Variants in CEP85L observed in about 807,000 individuals in gnomAD.
CEP85L encodes centrosomal protein of 85 kDa-like.
A neutral mutation model predicts 100.3 loss-of-function variants in CEP85L; 60 were observed. That is an observed-to-expected ratio of 0.60 (90% confidence interval 0.49 to 0.74). The LOEUF (loss-of-function observed/expected upper bound fraction) is 0.74. CEP85L is among the 30% of genes least tolerant of loss of function. The probability of loss-of-function intolerance (pLI) is 0.00; values close to 1 mark genes in which losing one functional copy is unlikely to be tolerated. For synonymous variants in CEP85L, 319 were observed against 322.7 expected (o/e 0.99, Z 0.12); for missense variants, 973 against 936.2 (o/e 1.04, Z -0.51).
intron 4 of CEP85L, among the ~76,000 whole-genome samples, chr6:118,515,583 C>T (rs1367301518): frequency 6.6e-6 from 1 of 152,032 alleles, no homozygotes; most frequent in Non-Finnish European, 1.5e-5. Context: ...AAAACAATTA[C>T]AGACAGAATT....
rs760266002 is a variant in CEP85L, at chr6:118,491,874, A to G, written c.1258-9T>C. The G allele has an allele frequency of 1.9e-6, 3 of 1,573,022 alleles. No homozygotes were observed. Among genetic ancestry groups the G allele is most frequent in the Middle Eastern group, 3.4e-4 (2 of 5,828 alleles). ...GTGTTCTCATATTGTGGCTGTTAGG[A>G]AAGAAAAAAAGGAGGTAAGACTTTA... On this transcript the variant is annotated splice_polypyrimidine_tract_variant and intron_variant, in intron 5 of 12. Transcript: ENST00000368491.
At chr6:118,544,141 A>G (rs1374705666) in intron 3 of CEP85L, among the ~76,000 whole-genome samples, 1 of 152,214 alleles carries the variant, frequency 6.6e-6, no homozygotes, top group Non-Finnish European at 1.5e-5. Flanking sequence ...GAAATTTAAT[A>G]TGTCTGGAGA....
At chr6:118,472,064 C>T (rs182793568) in intron 10 of CEP85L, among the ~76,000 whole-genome samples, 54 of 151,380 alleles carry the variant, frequency 3.6e-4, no homozygotes, top group Admixed American at 3.4e-3. Flanking sequence ...AAACTAAACT[C>T]GAGGGGTGTT....
At chr6:118,544,158 A>G (rs1351269046) in intron 3 of CEP85L, among the ~76,000 whole-genome samples, 1 of 152,216 alleles carries the variant, frequency 6.6e-6, no homozygotes, top group Non-Finnish European at 1.5e-5. Context: ...GAGAAATACT[A>G]CAATCATTAA....
chr6:118,598,908 G>C (rs1340514688), intron 2 of CEP85L, among the ~76,000 whole-genome samples: 1 of 152,134 alleles, frequency 6.6e-6, no homozygotes, highest in African/African-American at 2.4e-5. Flanking sequence ...CTGTTGGAGA[G>C]GGAAGTTATA....
chr6:118,483,843 G>C lies in CEP85L; in HGVS notation c.1453C>G (p.Arg485Gly), dbSNP rs752640404. The C allele has an allele frequency of 1.2e-6, 2 of 1,612,346 alleles. No individual in the cohort carries two copies. The highest frequency in any genetic ancestry group is 1.7e-6 in the Non-Finnish European group (2 of 1,179,498). ...KLEEKLKTRD[R>G]YISSLKKKCQ... ...TTCTTTTTCAGACTACTGATGTATC[G>C]ATCTCTAGTTTTAAGCTAAAAGCAA... is the stretch of plus-strand genomic sequence containing the variant. Residue 485 changes from arginine to glycine, a missense_variant, in exon 7 of 13, where the codon CGA becomes GGA. This residue lies in a region of CEP85L where 890 missense variants were observed against 844.5 expected (regional missense o/e 1.05). Transcript: ENST00000368491.
chr6:118,489,046 T>A (rs1774376396), intron 6 of CEP85L, among the ~76,000 whole-genome samples: 2 of 152,090 alleles, frequency 1.3e-5, no homozygotes, highest in African/African-American at 2.4e-5. Context: ...GGTGGGTGGA[T>A]CACCTCAGGT....
chr6:118,511,485 TTATTCCTCTTAGATTCCTTTAA>T (rs1368891076), intron 4 of CEP85L, 70 bp from the exon 5 acceptor site: 4 of 921,560 alleles, frequency 4.3e-6, no homozygotes, highest in African/African-American at 1.7e-5. Context: ...CTTAAGGAGC[TTATTCCTCTTAGATTCCTTTAA>T]TATTCCTCTT....
At chr6:118,479,796 T>G in intron 10 of CEP85L, 75 bp downstream of exon 10, 2 of 713,342 alleles carry the variant, frequency 2.8e-6, no homozygotes, top group Non-Finnish European at 4.5e-6. Context: ...CATGCTTTAA[T>G]ATTTTCAGAT....
intron 2 of CEP85L, among the ~76,000 whole-genome samples, chr6:118,632,152 G>C (rs1156237284): frequency 2.0e-5 from 3 of 152,124 alleles, no homozygotes; most frequent in Non-Finnish European, 2.9e-5. Context: ...ACCACGTCCA[G>C]CTAATTTTTT....
chr6:118,509,245 T>A (rs1775831412), intron 5 of CEP85L, among the ~76,000 whole-genome samples: 1 of 152,152 alleles, frequency 6.6e-6, no homozygotes, highest in African/African-American at 2.4e-5. Context: ...TTCAGATACC[T>A]ATTTTTTACA....
At chr6:118,708,075 T>C (rs896220365) in intron 1 of CEP85L, among the ~76,000 whole-genome samples, 7 of 152,140 alleles carry the variant, frequency 4.6e-5, no homozygotes, top group African/African-American at 1.7e-4. Context: ...TTCAATCCTA[T>C]AAAATAGAAG....
At chr6:118,690,244 C>T (rs1776991265) in intron 1 of CEP85L, among the ~76,000 whole-genome samples, 1 of 152,196 alleles carries the variant, frequency 6.6e-6, no homozygotes, top group South Asian at 2.1e-4. Flanking sequence ...TATGATTCCT[C>T]ATTCTTCTGT....
chr6:118,642,997 T>C (rs1774975196), intron 1 of CEP85L, among the ~76,000 whole-genome samples: 1 of 152,142 alleles, frequency 6.6e-6, no homozygotes, highest in African/African-American at 2.4e-5. Flanking sequence ...ACTGGGAAAA[T>C]AAGGTACAGT....
intron 1 of CEP85L, among the ~76,000 whole-genome samples, chr6:118,640,613 C>T (rs933559993): frequency 6.6e-5 from 10 of 152,232 alleles, no homozygotes; most frequent in African/African-American, 2.4e-4. Flanking sequence ...CAACATTCAT[C>T]CCCCAGGTTC....
chr6:118,615,372 A>G (rs968271247), intron 2 of CEP85L, among the ~76,000 whole-genome samples: 1 of 152,176 alleles, frequency 6.6e-6, no homozygotes, highest in African/African-American at 2.4e-5. Flanking sequence ...AAAAGAAACT[A>G]GAAGAGCTAA....
intron 2 of CEP85L, among the ~76,000 whole-genome samples, chr6:118,605,683 C>G (rs1202515670): frequency 1.3e-5 from 2 of 151,954 alleles, no homozygotes; most frequent in East Asian, 3.9e-4. Flanking sequence ...CTTAGGCTAC[C>G]AGAAGTTATC....
intron 3 of CEP85L, chr6:118,560,246 G>C (rs762819979): frequency 6.0e-6 from 1 of 166,918 alleles, no homozygotes; most frequent in Non-Finnish European, 1.5e-5. Context: ...CTACCTAATA[G>C]CCTACTATTG....
chr6:118,501,720 C>G lies in CEP85L; in HGVS notation c.1257+9578G>C, dbSNP rs78530706. On this transcript the variant is annotated intron_variant, in intron 5 of 12. Coordinates refer to ENST00000368491, the MANE Select transcript of CEP85L (RefSeq NM_001042475.3). ...GAAAAAATTCAGAGCCTGAAGCAGA[C>G]CACAGACTTCATGGCTAACTTGAAA... 850 of 732,086 alleles carry G rather than the reference C, an allele frequency of 1.2e-3. 6 individuals carry two copies. The African/African-American group carries it at 0.013, about 11-fold the overall frequency. 45.3% of individuals were successfully genotyped at this position (732,086 alleles called of 1,614,324 possible). A position where few individuals can be genotyped will look rare whatever the true frequency, so the allele number is the denominator to read the frequency against.
Sources: allele counts gnomAD v4.1 joint callset (sites outside exome capture counted in the v4.1 genomes callset), GRCh38; gene constraint gnomAD v4.1.1; regional missense constraint gnomAD v4.1.1; transcripts MANE v1.5; gene names NCBI Gene and HGNC (gene_info 2026-07-23, HGNC 2026-07-21).